EYS: variants seen among roughly 807,000 people sequenced by gnomAD.
EYS encodes the protein EGF-like photoreceptor maintenance factor.
EYS carries 250 observed loss-of-function variants against 282.1 expected under a neutral mutation model. That is an observed-to-expected ratio of 0.89 (90% CI 0.80 to 0.98). The LOEUF (loss-of-function observed/expected upper bound fraction) is 0.98. Ranked by LOEUF, EYS falls within the 50% of genes least tolerant of loss-of-function variation. The pLI, the probability that EYS is intolerant of heterozygous loss-of-function variation, is 0.00. For synonymous variants in EYS, 1,355 were observed against 1,282.9 expected (o/e 1.06, Z -1.20); for missense variants, 4,016 against 3,709.0 (o/e 1.08, Z -2.15).
At chr6:63,796,937 G>A (rs116837755) in intron 37 of EYS, among the ~76,000 whole-genome samples, 1,811 of 152,268 alleles carry the variant, frequency 0.012, 30 homozygotes, top group African/African-American at 0.042. Flanking sequence ...CACAACGATG[G>A]TGCTGTGGTT....
chr6:64,626,708 G>C (rs1202614600), intron 22 of EYS, among the ~76,000 whole-genome samples: 1 of 152,108 alleles, frequency 6.6e-6, no homozygotes, highest in African/African-American at 2.4e-5. Flanking sequence ...AGGGAACATG[G>C]CCTTGCTGAC....
At chr6:64,597,901 A>G (rs1032499605) in intron 24 of EYS, among the ~76,000 whole-genome samples, 3 of 152,328 alleles carry the variant, frequency 2.0e-5, no homozygotes, top group East Asian at 3.9e-4. Flanking sequence ...TTTAATGTTC[A>G]CAACACAAAA....
intron 12 of EYS, among the ~76,000 whole-genome samples, chr6:65,253,674 G>C (rs947424202): frequency 6.6e-6 from 1 of 151,678 alleles, no homozygotes; most frequent in Non-Finnish European, 1.5e-5. Context: ...GATTCAGAAA[G>C]GTCTTCAAAA....
intron 21 of EYS, among the ~76,000 whole-genome samples, chr6:64,818,042 G>A (rs1260160810): frequency 2.0e-5 from 3 of 152,140 alleles, no homozygotes; most frequent in East Asian, 3.9e-4. Flanking sequence ...TTTAAATTCT[G>A]TAATTAGTTT....
Position 64,676,428 on chromosome 6 carries a change from T to C in EYS, c.3444-50183A>G, listed in dbSNP as rs112261660. On this transcript the variant is annotated intron_variant, in intron 22 of 42. Transcript: ENST00000503581. ...TATAGGTACTCAAAAATTGACACTT[T>C]ATTATCTACGTTTCTGACCTCACTT... Among the ~76,000 whole-genome samples the C allele has an allele frequency of 5.8e-3, 875 of 150,614 alleles. 3 individuals carry two copies. The highest frequency in any genetic ancestry group is 9.9e-3 in the Non-Finnish European group (668 of 67,676).
rs557699973 is a variant in EYS at position 63,833,171 on chromosome 6, C to G, written c.7229-26799G>C. Among the ~76,000 whole-genome samples, 4 of 152,278 alleles carry G rather than the reference C, an allele frequency of 2.6e-5. No individual in the cohort carries two copies. The South Asian group carries it at 8.3e-4, about 32-fold the overall frequency. On this transcript the variant is annotated intron_variant, in intron 36 of 42. Coordinates refer to ENST00000503581, the MANE Select transcript of EYS (RefSeq NM_001142800.2). Reference sequence around the variant, plus strand: ...AAAACTGGCACAAGACAGGGATGCCCTCTCTCACCACTCCTATTCAACATG... The same window carrying G: ...AAAACTGGCACAAGACAGGGATGCCGTCTCTCACCACTCCTATTCAACATG...
intron 11 of EYS, among the ~76,000 whole-genome samples, chr6:65,296,867 T>G (rs1188889020): frequency 6.6e-6 from 1 of 151,808 alleles, no homozygotes; most frequent in Non-Finnish European, 1.5e-5. Context: ...TAAATGTATT[T>G]TAAATATATT....
intron 14 of EYS, among the ~76,000 whole-genome samples, chr6:64,967,581 G>C (rs1031638677): frequency 9.2e-5 from 14 of 152,138 alleles, no homozygotes; most frequent in Non-Finnish European, 1.9e-4. Context: ...GCCTCCCAAA[G>C]TGCTGGGATT....
At chr6:65,206,385 A>G (rs1766034055) in intron 12 of EYS, among the ~76,000 whole-genome samples, 1 of 146,852 alleles carries the variant, frequency 6.8e-6, no homozygotes, top group Non-Finnish European at 1.5e-5. Context: ...AATAAAATTG[A>G]ATCAATTAAA....
intron 31 of EYS, among the ~76,000 whole-genome samples, chr6:64,086,912 A>G (rs1359051466): frequency 6.6e-6 from 1 of 152,122 alleles, no homozygotes; most frequent in African/African-American, 2.4e-5. Context: ...TCACTTATGG[A>G]GCAGAAGGTT....
At chr6:64,041,958 A>G (rs1770410870) in intron 33 of EYS, among the ~76,000 whole-genome samples, 1 of 152,102 alleles carries the variant, frequency 6.6e-6, no homozygotes, top group Non-Finnish European at 1.5e-5. Flanking sequence ...TTTGCTTTTC[A>G]TGCATTTGAA....
intron 2 of EYS, among the ~76,000 whole-genome samples, chr6:65,581,299 TATG>T (rs1764860516): frequency 6.6e-6 from 1 of 152,066 alleles, no homozygotes; most frequent in African/African-American, 2.4e-5. Flanking sequence ...TATAAAGTGA[TATG>T]GAGGAGAGAC....
At chr6:64,342,542 C>A (rs9444746) in intron 29 of EYS, among the ~76,000 whole-genome samples, 2,100 of 152,004 alleles carry the variant, frequency 0.014, 50 homozygotes, top group African/African-American at 0.048. Flanking sequence ...ACCAGTCCTG[C>A]CCTAAAAGAG....
chr6:65,177,899 T>A (rs1376312337), intron 12 of EYS, among the ~76,000 whole-genome samples: 1 of 151,942 alleles, frequency 6.6e-6, no homozygotes, highest in Non-Finnish European at 1.5e-5. Context: ...CCAGCAACAA[T>A]GCATCATGTA....
intron 35 of EYS, among the ~76,000 whole-genome samples, chr6:63,947,350 C>T (rs1013325388): frequency 2.0e-4 from 30 of 151,894 alleles, no homozygotes; most frequent in Admixed American, 1.8e-3. Context: ...GACAATTAAA[C>T]ACATGCATTA....
At chr6:64,008,781 G>T (rs1013770713) in intron 33 of EYS, among the ~76,000 whole-genome samples, 1 of 152,188 alleles carries the variant, frequency 6.6e-6, no homozygotes, top group Non-Finnish European at 1.5e-5. Flanking sequence ...TAAGAATGGT[G>T]AATATAGGCC....
chr6:63,770,864 G>A lies in EYS; in HGVS notation c.7898+7142C>T, dbSNP rs193232770. Among the ~76,000 whole-genome samples the A allele has an allele frequency of 3.9e-5, 6 of 152,232 alleles. No homozygotes were observed. In the East Asian group the frequency reaches 9.7e-4, roughly 25 times the overall value. ...GGAATGTGATGGCATATTGAAACTC[G>A]ACATGTTTACTAGGACGGGTTGCTA... On this transcript the variant is annotated intron_variant, in intron 40 of 42. Transcript: ENST00000503581.
At chr6:64,333,320 A>G (rs1301686854) in intron 29 of EYS, among the ~76,000 whole-genome samples, 1 of 152,158 alleles carries the variant, frequency 6.6e-6, no homozygotes, top group African/African-American at 2.4e-5. Flanking sequence ...GCCTATCTCC[A>G]TATATTTTGA....
At chr6:64,558,199 C>G (rs1765289967) in intron 26 of EYS, among the ~76,000 whole-genome samples, 1 of 152,044 alleles carries the variant, frequency 6.6e-6, no homozygotes, top group Non-Finnish European at 1.5e-5. Flanking sequence ...AAGATTGTTG[C>G]TCTGACTAAA....
Sources: allele counts gnomAD v4.1 joint callset (sites outside exome capture counted in the v4.1 genomes callset), GRCh38; gene constraint gnomAD v4.1.1; transcripts MANE v1.5; gene names NCBI Gene and HGNC (gene_info 2026-07-23, HGNC 2026-07-21).